The following SPINT2 variants were observed in gnomAD, a reference collection of about 807,000 sequenced individuals.
The protein encoded by SPINT2 is kunitz-type protease inhibitor 2.
A neutral mutation model predicts 30.1 loss-of-function variants in SPINT2; 18 were observed. The observed-to-expected ratio is 0.60, with a 90% confidence interval of 0.41 to 0.89. The LOEUF is 0.89. Ranked by LOEUF, SPINT2 falls within the 40% of genes least tolerant of loss-of-function variation. The pLI is 0.00. For missense variants in SPINT2, 276 were observed against 334.3 expected, an observed-to-expected ratio of 0.83 and a Z score of 1.36; for synonymous variants, 139 against 137.9, an observed-to-expected ratio of 1.01 and a Z score of -0.05.
At chr19:38,275,042 A>C (rs771443095) in intron 1 of SPINT2, among the ~76,000 whole-genome samples, 6 of 152,182 alleles carry the variant, frequency 3.9e-5, no homozygotes, top group Non-Finnish European at 8.8e-5. Context: ...TGACATTGAA[A>C]GAGCAAAGGA....
At chr19:38,281,814 A>ATTGCC in intron 1 of SPINT2, among the ~76,000 whole-genome samples, 1 of 152,272 alleles carries the variant, frequency 6.6e-6, no homozygotes, top group Non-Finnish European at 1.5e-5. Context: ...CCAATTTTAG[A>ATTGCC]ACATTTTCAT....
At chr19:38,274,740 G>T (rs183548634) in intron 1 of SPINT2, among the ~76,000 whole-genome samples, 2 of 151,888 alleles carry the variant, frequency 1.3e-5, no homozygotes, top group South Asian at 4.2e-4. Flanking sequence ...ACTTGAACCC[G>T]GGAGGCAGAG....
Position 38,264,736 on chromosome 19 carries a change from G to T in SPINT2, c.-157G>T. ...CCCCACACTGAAGGTCCGGAAAGGC[G>T]ACTTCCGGGGGCTTTGGCACCTGGC... On this transcript the variant is annotated 5_prime_UTR_variant, in exon 1 of 7. Transcript: ENST00000301244. The T allele has an allele frequency of 1.4e-6, 1 of 735,392 alleles. No individual in the cohort carries two copies. Among genetic ancestry groups the T allele is most frequent in the Non-Finnish European group, 2.2e-6 (1 of 455,706 alleles). 45.6% of individuals were successfully genotyped at this position (735,392 alleles called of 1,614,324 possible).
At chr19:38,291,377 C>T (rs73037333) in intron 6 of SPINT2, 4,595 of 168,234 alleles carry the variant, frequency 0.027, 80 homozygotes, top group Non-Finnish European at 0.035. Context: ...GACTTCATCC[C>T]GCAGTAGCTC....
At chr19:38,279,377 A>G (rs1004828844) in intron 1 of SPINT2, among the ~76,000 whole-genome samples, 1 of 151,584 alleles carries the variant, frequency 6.6e-6, no homozygotes, top group African/African-American at 2.4e-5. Context: ...CAGTCCTATA[A>G]TCCCAGCTAC....
In SPINT2 at chr19:38,292,144, G is replaced by T. The variant is rs1968729590; in HGVS notation, c.*138G>T. On this transcript the variant is annotated 3_prime_UTR_variant, in exon 7 of 7. Transcript: ENST00000301244. ...CTGGGAGGTAGGACGGCTGCTTCCT[G>T]GTCTGGCAGGGATGGGTTTGCTTTG... 8.1e-7 allele frequency: 1 copy of T among 1,235,968 alleles called. No homozygotes were observed. The highest frequency in any genetic ancestry group is 1.1e-6 in the Non-Finnish European group (1 of 883,008). The allele number at this position is 1,235,968 out of a possible 1,614,324, so 76.6% of individuals were successfully genotyped here.
At chr19:38,269,610 T>TC (rs1285262765) in intron 1 of SPINT2, among the ~76,000 whole-genome samples, 1 of 143,244 alleles carries the variant, frequency 7.0e-6, no homozygotes, top group Non-Finnish European at 1.5e-5. Flanking sequence ...TTCTTTTCTT[T>TC]TTTTTTTTTT....
At chr19:38,274,498 T>G (rs893472903) in intron 1 of SPINT2, among the ~76,000 whole-genome samples, 2 of 151,988 alleles carry the variant, frequency 1.3e-5, no homozygotes, top group Non-Finnish European at 2.9e-5. Flanking sequence ...TTGTTTTTAG[T>G]GATGTTAGTT....
chr19:38,278,708 G>A (rs1968546856), intron 1 of SPINT2, among the ~76,000 whole-genome samples: 1 of 152,116 alleles, frequency 6.6e-6, no homozygotes, highest in Non-Finnish European at 1.5e-5. Flanking sequence ...AGGCTGAGAT[G>A]GAAGGATTGC....
At chr19:38,289,751 T>G (rs1474702407) in intron 4 of SPINT2, 3 of 340,508 alleles carry the variant, frequency 8.8e-6, no homozygotes, top group African/African-American at 6.4e-5. Flanking sequence ...GCTCTGCAAT[T>G]TACATTGTCC....
intron 1 of SPINT2, among the ~76,000 whole-genome samples, chr19:38,278,987 A>G (rs549250250): frequency 1.9e-4 from 29 of 152,114 alleles, no homozygotes; most frequent in Non-Finnish European, 3.8e-4. Context: ...TAAAGTTTAC[A>G]TCATAGATGC....
chr19:38,286,655 C>T (rs1568343131), intron 2 of SPINT2, among the ~76,000 whole-genome samples: 1 of 152,026 alleles, frequency 6.6e-6, no homozygotes, highest in Non-Finnish European at 1.5e-5. Flanking sequence ...TGGTGGCGGG[C>T]GCCTGTGGTC....
At chr19:38,283,508 G>T in intron 1 of SPINT2, 119 bp from the exon 2 acceptor site, 1 of 1,295,590 alleles carries the variant, frequency 7.7e-7, no homozygotes. Context: ...ACAGCTCACA[G>T]GGGAACTGCT....
At chr19:38,291,739 T>C in intron 6 of SPINT2, 101 bp from the exon 7 acceptor site, 1 of 1,455,938 alleles carries the variant, frequency 6.9e-7, no homozygotes. Context: ...CATTTGGTCC[T>C]CAGGCTGAGC....
chr19:38,267,466 G>A (rs1968392973), intron 1 of SPINT2, among the ~76,000 whole-genome samples: 1 of 152,116 alleles, frequency 6.6e-6, no homozygotes, highest in Non-Finnish European at 1.5e-5. Flanking sequence ...TATTCTGTAT[G>A]AAAACATGAG....
chr19:38,286,515 C>T (rs1254847320), intron 2 of SPINT2, among the ~76,000 whole-genome samples: 2 of 152,206 alleles, frequency 1.3e-5, no homozygotes, highest in African/African-American at 4.8e-5. Flanking sequence ...GGTGCGGCGG[C>T]TCACGCCTGT....
At chr19:38,282,935 C>CCT (rs1968596511) in intron 1 of SPINT2, among the ~76,000 whole-genome samples, 1 of 152,154 alleles carries the variant, frequency 6.6e-6, no homozygotes, top group East Asian at 1.9e-4. Flanking sequence ...GACCTTTCAG[C>CCT]CCTAAGCTCC....
chr19:38,285,005 C>T (rs1336618457), intron 2 of SPINT2, among the ~76,000 whole-genome samples: 3 of 152,046 alleles, frequency 2.0e-5, no homozygotes, highest in Admixed American at 6.6e-5. Context: ...TGTAAGCCAC[C>T]GCACCTGGCC....
chr19:38,278,801 CAAAAT>C (rs1178623283), intron 1 of SPINT2, among the ~76,000 whole-genome samples: 1 of 152,016 alleles, frequency 6.6e-6, no homozygotes, highest in Non-Finnish European at 1.5e-5. Flanking sequence ...GACTGAGTCT[CAAAAT>C]AAATAAATAC....
Sources: gnomAD v4.1 joint callset for allele counts (sites outside exome capture counted in the v4.1 genomes callset) on GRCh38, gnomAD v4.1.1 for gene constraint, MANE v1.5 for transcripts, NCBI Gene and HGNC (gene_info 2026-07-23, HGNC 2026-07-21) for gene names.